The following NIN variants were observed in gnomAD, a reference collection of about 807,000 sequenced individuals.
NIN encodes the protein glycogen synthase kinase 3 beta-interacting protein.
A neutral mutation model predicts 257.6 loss-of-function variants in NIN; 137 were observed. That is an observed-to-expected ratio of 0.53 (90% confidence interval 0.46 to 0.61). The LOEUF is 0.61. NIN is among the 20% of genes least tolerant of loss of function. The pLI is 0.00. For missense variants in NIN, 2,439 were observed against 2,501.2 expected, an observed-to-expected ratio of 0.98 and a Z score of 0.53; for synonymous variants, 918 against 919.8, an observed-to-expected ratio of 1.00 and a Z score of 0.04.
intron 27 of NIN, among the ~76,000 whole-genome samples, chr14:50,736,253 T>C (rs149208302): frequency 0.04 from 6,123 of 151,752 alleles, 180 homozygotes; most frequent in Non-Finnish European, 0.06. Context: ...CTGCCTCAGC[T>C]TCCCAAATAG....
In NIN at chr14:50,777,010, A is replaced by G. The variant is rs762915870; in HGVS notation, c.605T>C (p.Leu202Pro). ...EDLGITRDGHLNRKKLVSICE... is the reference protein window; with the variant it reads ...EDLGITRDGHPNRKKLVSICE... ...GATGGAGACCAGCTTCTTCCGGTTC[A>G]GGTGACCATCACGGGTGATCCCCAA... is the stretch of plus-strand genomic sequence containing the variant. Residue 202 changes from leucine (L) to proline (P), a missense_variant, in exon 7 of 31, where the codon CTG becomes CCG. Leu to Pro is a moderately conservative substitution (Grantham distance 98). Coordinates refer to ENST00000530997, the MANE Select transcript of NIN (RefSeq NM_020921.4). The G allele has an allele frequency of 1.2e-6, 2 of 1,614,242 alleles. No homozygotes were observed. The highest frequency in any genetic ancestry group is 1.7e-6 in the Non-Finnish European group (2 of 1,180,036).
rs746262818 is a variant in NIN at position 50,806,765 on chromosome 14, C to CA, written c.236dup (p.Ser80ValfsTer3). ...GTTCTTGAAAGTGTTCTTCATTTGA[C>CA]AGAGTTCTGGACAAGATGAGTATTA... On this transcript the variant is annotated frameshift_variant, in exon 4 of 31. Transcript: ENST00000530997. LOFTEE classifies it high-confidence loss of function. 1 of 1,590,116 alleles carries CA rather than the reference C, an allele frequency of 6.3e-7. No homozygotes were observed. Among genetic ancestry groups the CA allele is most frequent in the East Asian group, 2.2e-5 (1 of 44,544 alleles).
intron 2 of NIN, among the ~76,000 whole-genome samples, chr14:50,828,510 T>C (rs967320700): frequency 1.3e-5 from 2 of 152,238 alleles, no homozygotes; most frequent in Non-Finnish European, 2.9e-5. Context: ...GCAAGTTCAA[T>C]AGCTAGAATT....
At chr14:50,735,769 G>A (rs1214946951) in intron 27 of NIN, 152 bp from the exon 28 acceptor site, 2 of 1,044,594 alleles carry the variant, frequency 1.9e-6, no homozygotes, top group Non-Finnish European at 2.7e-6. Flanking sequence ...ACAATTCAGT[G>A]TATTGCTTAC....
Position 50,743,479 on chromosome 14 carries a change from T to C in NIN, c.5238A>G (p.Glu1746=), listed in dbSNP as rs2041386993. The stretch of plus-strand genomic sequence containing the variant: ...CACTCTGATGTTCCCAGGATTTCTG[T>C]TCCTGCTTCATCGTCGCAATTCTAT... ...LEHRIATMKQ[E]QKSWEHQSAS... Residue 1746 remains glutamate (E), a synonymous_variant, in exon 24 of 31, where the codon GAA becomes GAG. Transcript: ENST00000530997. 2.5e-6 allele frequency: 4 copies of C among 1,613,918 alleles called. No homozygotes were observed. In the East Asian group the frequency reaches 8.9e-5, roughly 36 times the overall value.
intron 14 of NIN, among the ~76,000 whole-genome samples, chr14:50,766,031 A>G (rs865855226): frequency 1.2e-4 from 15 of 121,932 alleles, no homozygotes; most frequent in African/African-American, 3.7e-4. Context: ...CCCAGAGTGT[A>G]ATATTCCCCT....
intron 3 of NIN, among the ~76,000 whole-genome samples, chr14:50,815,312 G>A (rs2044838940): frequency 6.6e-6 from 1 of 152,198 alleles, no homozygotes; most frequent in Non-Finnish European, 1.5e-5. Context: ...CTGATCATTA[G>A]AGAAATACAA....
chr14:50,755,648 C>CTTTTT (rs71118900), intron 18 of NIN, among the ~76,000 whole-genome samples: 1 of 79,992 alleles, frequency 1.3e-5, no homozygotes, highest in African/African-American at 6.5e-5. Context: ...TGTTTTGTCT[C>CTTTTT]TTTTTTTTTT....
Position 50,752,735 on chromosome 14 carries a change from TAATTAA to T in NIN, c.4735-8_4735-3del, listed in dbSNP as rs750794610. The T allele has an allele frequency of 6.0e-6, 9 of 1,510,602 alleles. No homozygotes were observed. In the Admixed American group the frequency reaches 7.6e-5, roughly 13 times the overall value. 93.6% of individuals were successfully genotyped at this position (1,510,602 alleles called of 1,614,324 possible). On this transcript the variant is annotated splice_polypyrimidine_tract_variant and splice_region_variant and intron_variant, in intron 20 of 30. Coordinates refer to ENST00000530997, the MANE Select transcript of NIN (RefSeq NM_020921.4). ...GTTTTTGATTTTTAATTCTGAAATC[TAATTAA>T]AATTAAAATAAGTTTTTCAAACTTG...
At chr14:50,754,981 GTC>G in intron 18 of NIN, 114 bp from the exon 19 acceptor site, 1 of 635,604 alleles carries the variant, frequency 1.6e-6, no homozygotes, top group Non-Finnish European at 2.7e-6. Flanking sequence ...AAAAAGAAAA[GTC>G]TAAATTAGTA....
intron 5 of NIN, among the ~76,000 whole-genome samples, chr14:50,781,149 C>A (rs1447779219): frequency 6.6e-6 from 1 of 152,136 alleles, no homozygotes; most frequent in African/African-American, 2.4e-5. Flanking sequence ...CATTATTTAG[C>A]ATACCAGTTG....
intron 29 of NIN, among the ~76,000 whole-genome samples, chr14:50,726,921 A>G (rs2040434267): frequency 6.6e-6 from 1 of 152,216 alleles, no homozygotes; most frequent in African/African-American, 2.4e-5. Flanking sequence ...GTCAAAGGCT[A>G]CCATCTGTTT....
chr14:50,804,337 G>A (rs2044228314), intron 4 of NIN, among the ~76,000 whole-genome samples: 1 of 152,196 alleles, frequency 6.6e-6, no homozygotes, highest in African/African-American at 2.4e-5. Context: ...AGGGAATGTG[G>A]GAGGAAAGGC....
intron 29 of NIN, chr14:50,727,379 A>G (rs1200785230): frequency 8.8e-6 from 9 of 1,016,980 alleles, no homozygotes; most frequent in Non-Finnish European, 1.1e-5. Context: ...GTTACAACAT[A>G]TGGAATGAGA....
At chr14:50,784,090 T>C (rs1428770873) in intron 5 of NIN, among the ~76,000 whole-genome samples, 1 of 152,236 alleles carries the variant, frequency 6.6e-6, no homozygotes, top group Non-Finnish European at 1.5e-5. Flanking sequence ...AAACTCATCC[T>C]GTGGGACTTC....
At chr14:50,810,810 A>G (rs1047835180) in intron 3 of NIN, among the ~76,000 whole-genome samples, 8 of 151,832 alleles carry the variant, frequency 5.3e-5, no homozygotes, top group South Asian at 2.1e-4. Context: ...ACAGGCGCCC[A>G]CCACCATGCC....
intron 7 of NIN, among the ~76,000 whole-genome samples, chr14:50,773,389 C>A (rs2016263759): frequency 6.6e-6 from 1 of 152,172 alleles, no homozygotes; most frequent in Admixed American, 6.5e-5. Flanking sequence ...AATGTTGTTA[C>A]ACATTATTCT....
chr14:50,811,505 A>G (rs1566873180), intron 3 of NIN, among the ~76,000 whole-genome samples: 2 of 144,354 alleles, frequency 1.4e-5, no homozygotes, highest in Non-Finnish European at 3.0e-5. Context: ...ACACTCTTGT[A>G]TATGATAAAA....
At position 50,722,129 on chromosome 14, in the gene NIN, T is replaced by C. The variant is rs906169843; in HGVS notation, c.*1334A>G. 1 of 191,246 alleles carries C rather than the reference T, an allele frequency of 5.2e-6. No homozygotes were observed. Among genetic ancestry groups the C allele is most frequent in the African/African-American group, 3.4e-5 (1 of 29,074 alleles). The allele number at this position is 191,246 out of a possible 1,614,324, so 11.8% of individuals were successfully genotyped here. The stretch of plus-strand genomic sequence containing the variant: ...ACCTAGTAAGTCTTCCACCAACTGC[T>C]GGCGGAAGTGGCTAGCAGAGATTAT... On this transcript the variant is annotated 3_prime_UTR_variant, in exon 31 of 31. Coordinates refer to ENST00000530997, the MANE Select transcript of NIN (RefSeq NM_020921.4).
Sources: gnomAD v4.1 joint callset for allele counts (sites outside exome capture counted in the v4.1 genomes callset) on GRCh38, gnomAD v4.1.1 for gene constraint, MANE v1.5 for transcripts, NCBI Gene and HGNC (gene_info 2026-07-23, HGNC 2026-07-21) for gene names.